The following CHRM2 variants were observed in gnomAD, a reference collection of about 807,000 sequenced individuals.
CHRM2 encodes cholinergic receptor muscarinic 2, also known as muscarinic acetylcholine receptor M2.
Under a neutral mutation model 25.0 loss-of-function variants are expected in CHRM2, and 8 were observed. The observed-to-expected ratio is 0.32, with a 90% CI of 0.19 to 0.58. The LOEUF (loss-of-function observed/expected upper bound fraction) is 0.58. Ranked by LOEUF, CHRM2 falls within the 20% of genes least tolerant of loss-of-function variation. CHRM2 has a pLI of 0.88. For synonymous variants in CHRM2, 202 were observed against 205.7 expected (o/e 0.98, Z 0.15); for missense variants, 440 against 567.1 (o/e 0.78, Z 2.28).
chr7:136,872,481 G>A (rs762588382), intron 2 of CHRM2, among the ~76,000 whole-genome samples: 8 of 152,260 alleles, frequency 5.3e-5, no homozygotes, highest in South Asian at 4.1e-4. Flanking sequence ...TGACCCTATC[G>A]CCTTCATTGC....
At chr7:136,919,888 T>C (rs1172761674) in intron 2 of CHRM2, among the ~76,000 whole-genome samples, 3 of 152,190 alleles carry the variant, frequency 2.0e-5, no homozygotes, top group Non-Finnish European at 4.4e-5. Context: ...AAAGTGGTCA[T>C]TGACCTTCGG....
At chr7:136,979,212 C>T (rs2130964363) in intron 2 of CHRM2, among the ~76,000 whole-genome samples, 1 of 152,284 alleles carries the variant, frequency 6.6e-6, no homozygotes, top group South Asian at 2.1e-4. Flanking sequence ...TGATGATGAG[C>T]TGTTTTTCAT....
rs942850710 is a variant in CHRM2 at position 136,913,021 on chromosome 7, A to C, written c.-125+43603A>C. On this transcript the variant is annotated intron_variant, in intron 2 of 3. Transcript: ENST00000680005. ...AATTTAGCCCATCACTATTATGTAG[A>C]AAAGACAGAAAGAAAACCTAGAATA... Among the ~76,000 whole-genome samples, 3 of 151,932 alleles carry C rather than the reference A, an allele frequency of 2.0e-5. No homozygotes were observed. In the South Asian group the frequency reaches 6.2e-4, roughly 31 times the overall value.
intron 2 of CHRM2, among the ~76,000 whole-genome samples, chr7:136,981,727 G>A (rs897844871): frequency 3.3e-5 from 5 of 152,078 alleles, no homozygotes; most frequent in African/African-American, 1.2e-4. Context: ...TTCAGGAGTA[G>A]GTTGTTCAGT....
At chr7:136,879,066 T>A (rs11771119) in intron 2 of CHRM2, among the ~76,000 whole-genome samples, 1 of 151,780 alleles carries the variant, frequency 6.6e-6, no homozygotes, top group African/African-American at 2.4e-5. Flanking sequence ...GCAACTAACC[T>A]CCTGGCTTAG....
chr7:136,997,364 A>G (rs1235541771), intron 3 of CHRM2, among the ~76,000 whole-genome samples: 2 of 152,196 alleles, frequency 1.3e-5, no homozygotes, highest in Non-Finnish European at 2.9e-5. Flanking sequence ...GGCTAGAAGA[A>G]ACTTATCTCT....
chr7:136,951,358 T>C (rs1047343852), intron 2 of CHRM2, among the ~76,000 whole-genome samples: 1 of 152,160 alleles, frequency 6.6e-6, no homozygotes, highest in African/African-American at 2.4e-5. Context: ...AATGTAGATT[T>C]GATGTGAAAC....
At chr7:136,877,923 G>A (rs1796110504) in intron 2 of CHRM2, among the ~76,000 whole-genome samples, 2 of 151,944 alleles carry the variant, frequency 1.3e-5, no homozygotes, top group Admixed American at 1.3e-4. Flanking sequence ...TCTTTAGGAG[G>A]AATGTGATCG....
intron 2 of CHRM2, among the ~76,000 whole-genome samples, chr7:136,906,214 C>CAT: frequency 6.7e-6 from 1 of 150,238 alleles, no homozygotes; most frequent in East Asian, 2.0e-4. Context: ...TATACGCACA[C>CAT]ATATATATGG....
intron 3 of CHRM2, among the ~76,000 whole-genome samples, chr7:137,005,717 C>G (rs1224957675): frequency 2.0e-5 from 3 of 152,102 alleles, no homozygotes; most frequent in Non-Finnish European, 4.4e-5. Context: ...CTCAGCTTCT[C>G]TAGAACAACT....
At chr7:136,948,186 G>T (rs1800183121) in intron 2 of CHRM2, among the ~76,000 whole-genome samples, 1 of 152,012 alleles carries the variant, frequency 6.6e-6, no homozygotes, top group African/African-American at 2.4e-5. Context: ...ATGGACTATG[G>T]AGTAACTATC....
At chr7:136,994,807 CTT>C (rs1165356367) in intron 3 of CHRM2, among the ~76,000 whole-genome samples, 2 of 151,568 alleles carry the variant, frequency 1.3e-5, no homozygotes, top group East Asian at 1.9e-4. Context: ...TAAATACTAA[CTT>C]ATGAGTGGGA....
At chr7:136,875,945 C>A (rs529063273) in intron 2 of CHRM2, among the ~76,000 whole-genome samples, 2 of 152,222 alleles carry the variant, frequency 1.3e-5, no homozygotes, top group East Asian at 1.9e-4. Context: ...TACTAACAGG[C>A]AATGATAAGC....
intron 2 of CHRM2, among the ~76,000 whole-genome samples, chr7:136,961,249 T>G (rs558137389): frequency 2.6e-5 from 4 of 152,180 alleles, no homozygotes; most frequent in Non-Finnish European, 5.9e-5. Flanking sequence ...ATTCAGCACT[T>G]TCTTATCAAA....
Position 136,923,461 on chromosome 7 carries a change from G to A in CHRM2, c.-125+54043G>A, listed in dbSNP as rs568443213. Among the ~76,000 whole-genome samples, 10 of 152,076 alleles carry A rather than the reference G, an allele frequency of 6.6e-5. No individual in the cohort carries two copies. In the South Asian group the frequency reaches 1.9e-3, roughly 28 times the overall value. On this transcript the variant is annotated intron_variant, in intron 2 of 3. Transcript: ENST00000680005. ...TTTCCTTGTTAGCCAAGCAACTGATGAGCTGTTTCAATCCAATCAATTTTT... is the reference window on the plus strand; with the variant it reads ...TTTCCTTGTTAGCCAAGCAACTGATAAGCTGTTTCAATCCAATCAATTTTT...
intron 2 of CHRM2, among the ~76,000 whole-genome samples, chr7:136,955,671 G>T (rs1361533764): frequency 2.0e-5 from 3 of 152,132 alleles, no homozygotes; most frequent in Non-Finnish European, 4.4e-5. Context: ...AGGACGTATG[G>T]TCATTGGTCT....
intron 3 of CHRM2, among the ~76,000 whole-genome samples, chr7:137,000,910 GC>G (rs1435032123): frequency 1.3e-5 from 2 of 152,048 alleles, no homozygotes; most frequent in Non-Finnish European, 2.9e-5. Context: ...ACTCCATTGA[GC>G]CTTTAACCAT....
At chr7:136,980,611 G>A (rs182502910) in intron 2 of CHRM2, among the ~76,000 whole-genome samples, 10 of 152,154 alleles carry the variant, frequency 6.6e-5, no homozygotes, top group Admixed American at 3.3e-4. Context: ...ATTTTGAGAT[G>A]CGTTCCATCA....
At chr7:137,008,163 A>G (rs1287679982) in intron 3 of CHRM2, among the ~76,000 whole-genome samples, 2 of 152,066 alleles carry the variant, frequency 1.3e-5, no homozygotes, top group Admixed American at 1.3e-4. Context: ...AATAAGCTTC[A>G]TTTGCTTTCT....
Sources: allele counts gnomAD v4.1 joint callset (sites outside exome capture counted in the v4.1 genomes callset), GRCh38; gene constraint gnomAD v4.1.1; transcripts MANE v1.5; gene names NCBI Gene and HGNC (gene_info 2026-07-23, HGNC 2026-07-21).